The following DLGAP2 variants were observed in gnomAD, a reference collection of about 807,000 sequenced individuals.
DLGAP2 encodes the protein DLG associated protein 2.
DLGAP2 carries 26 observed loss-of-function variants against 100.3 expected under a neutral mutation model. That is an observed-to-expected ratio of 0.26 (90% CI 0.19 to 0.36). DLGAP2 has a LOEUF of 0.36. Ranked by LOEUF, DLGAP2 falls within the 10% of genes least tolerant of loss-of-function variation. The pLI is 1.00. For missense variants in DLGAP2, 1,858 were observed against 1,453.2 expected, an observed-to-expected ratio of 1.28 and a Z score of -4.53; for synonymous variants, 886 against 630.1, an observed-to-expected ratio of 1.41 and a Z score of -6.08.
chr8:1,251,642 A>G (rs1799042418), intron 2 of DLGAP2, among the ~76,000 whole-genome samples: 2 of 152,214 alleles, frequency 1.3e-5, no homozygotes, highest in Middle Eastern at 6.8e-3. Context: ...TGATGAGTGG[A>G]GTTTTTGGCC....
At chr8:841,506 C>T (rs553194919) in intron 1 of DLGAP2, among the ~76,000 whole-genome samples, 3 of 152,178 alleles carry the variant, frequency 2.0e-5, no homozygotes, top group Non-Finnish European at 4.4e-5. Flanking sequence ...GACCCGGTTA[C>T]TAGGGGTGTA....
At chr8:1,086,746 C>G (rs1172025101) in intron 2 of DLGAP2, among the ~76,000 whole-genome samples, 1 of 151,856 alleles carries the variant, frequency 6.6e-6, no homozygotes, top group African/African-American at 2.4e-5. Context: ...AATGGAGCAC[C>G]TAAATATATA....
chr8:1,353,942 C>G (rs934238407), intron 3 of DLGAP2, among the ~76,000 whole-genome samples: 3 of 152,148 alleles, frequency 2.0e-5, no homozygotes, highest in African/African-American at 7.2e-5. Flanking sequence ...AGAAAAATTT[C>G]CAGCGTCACT....
intron 1 of DLGAP2, among the ~76,000 whole-genome samples, chr8:807,043 C>G (rs1339215429): frequency 6.6e-6 from 1 of 152,206 alleles, no homozygotes; most frequent in South Asian, 2.1e-4. Flanking sequence ...TCAAATAATT[C>G]TTGACTGAAA....
intron 2 of DLGAP2, among the ~76,000 whole-genome samples, chr8:1,151,165 G>A (rs1327953577): frequency 2.0e-5 from 3 of 152,088 alleles, no homozygotes. Context: ...ACTTAACCAC[G>A]TCCCTGCAGA....
chr8:1,665,398 C>A (rs547654902), intron 8 of DLGAP2, among the ~76,000 whole-genome samples: 1 of 152,290 alleles, frequency 6.6e-6, no homozygotes, highest in Non-Finnish European at 1.5e-5. Context: ...TTGCATTTGC[C>A]TGTGACATGT....
chr8:976,490 T>C (rs1156403937), intron 2 of DLGAP2, among the ~76,000 whole-genome samples: 1 of 152,144 alleles, frequency 6.6e-6, no homozygotes, highest in East Asian at 1.9e-4. Flanking sequence ...CAGGTGCCTG[T>C]AGTCCCAGCT....
chr8:1,631,605 G>C (rs1797647080), intron 7 of DLGAP2, among the ~76,000 whole-genome samples: 2 of 152,256 alleles, frequency 1.3e-5, no homozygotes, highest in African/African-American at 4.8e-5. Flanking sequence ...GGAATCCTCA[G>C]ACCTTTCTGA....
chr8:1,241,810 G>T (rs1408033704), intron 2 of DLGAP2, among the ~76,000 whole-genome samples: 1 of 152,066 alleles, frequency 6.6e-6, no homozygotes, highest in East Asian at 1.9e-4. Flanking sequence ...AAGTTCAGCG[G>T]CAGGACACTC....
At chr8:1,084,786 A>G (rs892110352) in intron 2 of DLGAP2, among the ~76,000 whole-genome samples, 34 of 152,134 alleles carry the variant, frequency 2.2e-4, no homozygotes, top group Non-Finnish European at 1.0e-4. Flanking sequence ...CCCTTGATGG[A>G]CACAGGTTGA....
intron 2 of DLGAP2, among the ~76,000 whole-genome samples, chr8:1,134,979 C>G (rs1443606039): frequency 6.6e-6 from 1 of 152,136 alleles, no homozygotes; most frequent in African/African-American, 2.4e-5. Flanking sequence ...CAATATCAAA[C>G]TCTATTGATT....
intron 5 of DLGAP2, among the ~76,000 whole-genome samples, chr8:1,559,468 C>T (rs545846106): frequency 9.2e-5 from 14 of 152,268 alleles, no homozygotes; most frequent in Middle Eastern, 3.4e-3. Flanking sequence ...GGATTTGGTA[C>T]TTGAATTCAT....
chr8:982,883 A>G (rs1245159581), intron 2 of DLGAP2, among the ~76,000 whole-genome samples: 2 of 117,336 alleles, frequency 1.7e-5, no homozygotes, highest in Non-Finnish European at 3.4e-5. Flanking sequence ...TAAAGGTAGG[A>G]TTTTTTTTTT....
At chr8:1,042,037 T>C (rs565803248) in intron 2 of DLGAP2, among the ~76,000 whole-genome samples, 3 of 152,296 alleles carry the variant, frequency 2.0e-5, no homozygotes, top group Admixed American at 2.0e-4. Context: ...TCGACCTGAT[T>C]TGCAGAGCAG....
intron 4 of DLGAP2, among the ~76,000 whole-genome samples, chr8:1,525,239 G>C (rs1800754103): frequency 7.6e-6 from 1 of 131,812 alleles, no homozygotes; most frequent in Non-Finnish European, 1.6e-5. Flanking sequence ...TGAAACTTTT[G>C]GGGAGCAAAC....
rs541119933 is a variant in DLGAP2 at position 980,870 on chromosome 8, C to T, written c.73+72904C>T. 4.6e-5 allele frequency among the ~76,000 whole-genome samples: 7 copies of T among 152,220 alleles called. 1 individual carries two copies. The South Asian group carries it at 6.2e-4, about 14-fold the overall frequency. ...GCAGCAGTTAGGGAACACACAGGAA[C>T]GCCTGGAATTCTAGACTGAGGAGCT... On this transcript the variant is annotated intron_variant, in intron 2 of 14. Coordinates refer to ENST00000637795, the MANE Select transcript of DLGAP2 (RefSeq NM_001346810.2).
At chr8:771,894 T>G (rs763851974) in intron 1 of DLGAP2, among the ~76,000 whole-genome samples, 18 of 152,250 alleles carry the variant, frequency 1.2e-4, no homozygotes, top group Non-Finnish European at 2.4e-4. Context: ...TAGGCTCATC[T>G]GCAATTTTAT....
At chr8:1,082,285 G>A (rs1427439404) in intron 2 of DLGAP2, among the ~76,000 whole-genome samples, 1 of 152,146 alleles carries the variant, frequency 6.6e-6, no homozygotes, top group Non-Finnish European at 1.5e-5. Flanking sequence ...TGCAAAAACA[G>A]GAAAAATCTT....
intron 2 of DLGAP2, among the ~76,000 whole-genome samples, chr8:1,029,158 A>G (rs952841914): frequency 6.6e-6 from 1 of 152,086 alleles, no homozygotes; most frequent in African/African-American, 2.4e-5. Flanking sequence ...CGTGCCTGTG[A>G]TCTTGAGTCT....
Sources: allele counts gnomAD v4.1 joint callset (sites outside exome capture counted in the v4.1 genomes callset), GRCh38; gene constraint gnomAD v4.1.1; transcripts MANE v1.5; gene names NCBI Gene and HGNC (gene_info 2026-07-23, HGNC 2026-07-21).